Variants in XYLT1 observed in about 807,000 individuals in gnomAD.
XYLT1 encodes the protein beta-D-xylosyltransferase 1.
A neutral mutation model predicts 91.3 loss-of-function variants in XYLT1; 36 were observed. The ratio of observed to expected loss-of-function variants is 0.39; its 90% CI spans 0.30 to 0.52. XYLT1 has a LOEUF of 0.52. Among genes scored for constraint, XYLT1 ranks in the 20% least tolerant of loss-of-function variants. The pLI, the probability that XYLT1 is intolerant of heterozygous loss-of-function variation, is 0.68. For missense variants in XYLT1, 1,242 were observed against 1,284.5 expected (o/e 0.97, Z 0.51); for synonymous variants, 588 against 532.0 (o/e 1.11, Z -1.45).
chr16:17,230,335 A>G (rs1288491132), intron 3 of XYLT1, among the ~76,000 whole-genome samples: 1 of 152,140 alleles, frequency 6.6e-6, no homozygotes, highest in Non-Finnish European at 1.5e-5. Flanking sequence ...CCTCGTCTGA[A>G]GCTTGACTGA....
intron 6 of XYLT1, among the ~76,000 whole-genome samples, chr16:17,146,101 C>T (rs187289717): frequency 6.6e-6 from 1 of 151,828 alleles, no homozygotes; most frequent in Admixed American, 6.5e-5. Context: ...AGAAAGAATT[C>T]CCTCTCACCG....
intron 6 of XYLT1, among the ~76,000 whole-genome samples, chr16:17,147,381 G>A (rs1170181645): frequency 6.6e-6 from 1 of 152,154 alleles, no homozygotes; most frequent in Non-Finnish European, 1.5e-5. Flanking sequence ...ACAGGTGAGA[G>A]GACTAGCAAA....
rs575960208 is a variant in XYLT1 at position 17,252,066 on chromosome 16, GC to G, written c.913+6921del. 3.3e-5 allele frequency among the ~76,000 whole-genome samples: 5 copies of G among 152,012 alleles called. No homozygotes were observed. In the South Asian group the frequency reaches 1.0e-3, roughly 32 times the overall value. On this transcript the variant is annotated intron_variant, in intron 3 of 11. Transcript: ENST00000261381. The stretch of plus-strand genomic sequence containing the variant: ...TCTCCTCTCCTTTCCTCTTCTTGTC[GC>G]CCCTTCATTTAGACAACTCCTCCAT...
At chr16:17,251,832 A>AT (rs2033544115) in intron 3 of XYLT1, among the ~76,000 whole-genome samples, 1 of 152,052 alleles carries the variant, frequency 6.6e-6, no homozygotes, top group African/African-American at 2.4e-5. Context: ...CTTCTGGGGA[A>AT]GAGGTGGTCC....
intron 2 of XYLT1, among the ~76,000 whole-genome samples, chr16:17,298,848 G>A (rs2034353681): frequency 6.6e-6 from 1 of 152,050 alleles, no homozygotes; most frequent in Non-Finnish European, 1.5e-5. Context: ...CTTGTCAGAG[G>A]ACACGCCCTA....
intron 11 of XYLT1, among the ~76,000 whole-genome samples, chr16:17,115,588 C>T (rs147556842): frequency 0.013 from 1,930 of 151,398 alleles, 43 homozygotes; most frequent in African/African-American, 0.043. Flanking sequence ...AAACGATTCT[C>T]GTGCCTCAGC....
chr16:17,293,379 C>T (rs908525199), intron 2 of XYLT1, among the ~76,000 whole-genome samples: 2 of 152,048 alleles, frequency 1.3e-5, no homozygotes, highest in African/African-American at 4.8e-5. Flanking sequence ...ACTGAAGTTC[C>T]CCAGGGACAG....
intron 3 of XYLT1, among the ~76,000 whole-genome samples, chr16:17,246,910 G>A (rs1043831040): frequency 1.3e-5 from 2 of 152,112 alleles, no homozygotes; most frequent in Admixed American, 1.3e-4. Flanking sequence ...TACCCCAGCA[G>A]GGAACAGGCA....
intron 10 of XYLT1, among the ~76,000 whole-genome samples, chr16:17,122,520 T>G (rs1265070473): frequency 1.3e-5 from 2 of 152,264 alleles, no homozygotes; most frequent in East Asian, 3.8e-4. Context: ...TGCAAAGATT[T>G]TCTCCCACTC....
At chr16:17,385,998 G>A (rs910566709) in intron 1 of XYLT1, among the ~76,000 whole-genome samples, 3 of 152,102 alleles carry the variant, frequency 2.0e-5, no homozygotes, top group African/African-American at 7.2e-5. Flanking sequence ...GTTAATTTAC[G>A]GCAAGTGCTT....
intron 1 of XYLT1, among the ~76,000 whole-genome samples, chr16:17,393,666 T>C (rs969334197): frequency 6.6e-6 from 1 of 152,104 alleles, no homozygotes; most frequent in Admixed American, 6.6e-5. Flanking sequence ...GTAACCCTAG[T>C]GCTTTTGGAG....
chr16:17,275,722 C>A (rs1322613393), intron 2 of XYLT1, among the ~76,000 whole-genome samples: 3 of 152,188 alleles, frequency 2.0e-5, no homozygotes, highest in African/African-American at 7.2e-5. Context: ...CTTGTCCTAA[C>A]CATCATCCTT....
At chr16:17,262,955 C>A (rs7206838) in intron 2 of XYLT1, among the ~76,000 whole-genome samples, 99,220 of 151,974 alleles carry the variant, frequency 0.65, 34,770 homozygotes, top group African/African-American at 0.91. Flanking sequence ...CAGACAGAAA[C>A]ATCTATTGAC....
intron 1 of XYLT1, among the ~76,000 whole-genome samples, chr16:17,439,393 A>T (rs1285197067): frequency 2.0e-5 from 3 of 152,220 alleles, no homozygotes; most frequent in South Asian, 4.1e-4. Flanking sequence ...TCCCAGAGAA[A>T]CAGTCACTTC....
intron 2 of XYLT1, among the ~76,000 whole-genome samples, chr16:17,342,686 C>T (rs896157188): frequency 1.3e-5 from 2 of 152,096 alleles, no homozygotes; most frequent in African/African-American, 2.4e-5. Context: ...CGCACCATTG[C>T]ACTCCAGCCT....
intron 1 of XYLT1, among the ~76,000 whole-genome samples, chr16:17,461,296 T>G (rs1403483706): frequency 1.3e-5 from 2 of 152,182 alleles, no homozygotes; most frequent in African/African-American, 4.8e-5. Context: ...GACACCTCCC[T>G]TGTGTGTTCA....
At chr16:17,156,628 C>T (rs11861137) in intron 6 of XYLT1, among the ~76,000 whole-genome samples, 67,525 of 152,084 alleles carry the variant, frequency 0.44, 15,995 homozygotes, top group East Asian at 0.85. Flanking sequence ...ATAATTCTTA[C>T]AGCTGCATTG....
intron 8 of XYLT1, chr16:17,137,414 G>A (rs1452235428): frequency 1.3e-5 from 2 of 152,184 alleles, no homozygotes; most frequent in Non-Finnish European, 2.9e-5. Flanking sequence ...TGTGTTAGTG[G>A]TTTGGGAAGT....
chr16:17,356,438 G>GC (rs1205912575), intron 2 of XYLT1, among the ~76,000 whole-genome samples: 1 of 152,060 alleles, frequency 6.6e-6, no homozygotes, highest in Non-Finnish European at 1.5e-5. Context: ...CAGCCCTGGG[G>GC]CCCCCGTGGC....
Sources: gnomAD v4.1 joint callset for allele counts (sites outside exome capture counted in the v4.1 genomes callset) on GRCh38, gnomAD v4.1.1 for gene constraint, MANE v1.5 for transcripts, NCBI Gene and HGNC (gene_info 2026-07-23, HGNC 2026-07-21) for gene names.